Variants in UNC5C observed in about 807,000 individuals in gnomAD.
The protein encoded by UNC5C is unc-5 netrin receptor C.
UNC5C carries 47 observed loss-of-function variants against 99.8 expected under a neutral mutation model. The observed-to-expected ratio is 0.47, with a 90% CI of 0.37 to 0.60. The LOEUF is 0.60. UNC5C is among the 20% of genes least tolerant of loss of function. UNC5C has a pLI of 0.00. For synonymous variants in UNC5C, 487 were observed against 452.2 expected (o/e 1.08, Z -0.98); for missense variants, 1,062 against 1,165.9 (o/e 0.91, Z 1.30).
chr4:95,474,510 G>T (rs759989413), intron 1 of UNC5C, among the ~76,000 whole-genome samples: 6 of 151,892 alleles, frequency 4.0e-5, no homozygotes, highest in African/African-American at 1.5e-4. Context: ...GGCTGGTCTC[G>T]AACTCCTGAC....
chr4:95,421,346 T>A (rs1005051304), intron 1 of UNC5C, among the ~76,000 whole-genome samples: 1 of 152,182 alleles, frequency 6.6e-6, no homozygotes, highest in Non-Finnish European at 1.5e-5. Flanking sequence ...AAGCCCACTG[T>A]TCTCTGGCCT....
intron 12 of UNC5C, among the ~76,000 whole-genome samples, chr4:95,192,194 TCCTCCTCTACTCACCTCTTTTGCTCGC>T (rs1737150934): frequency 2.4e-5 from 3 of 126,580 alleles, no homozygotes; most frequent in African/African-American, 9.2e-5. Context: ...CTTTCTCATA[TCCTCCTCTACTCACCTCTTTTGCTCGC>T]CCTCCTCTGC....
intron 13 of UNC5C, among the ~76,000 whole-genome samples, chr4:95,183,959 C>T (rs1736721372): frequency 6.6e-6 from 1 of 152,080 alleles, no homozygotes; most frequent in South Asian, 2.1e-4. Flanking sequence ...AAGCATTCGG[C>T]CAGGCTTAGC....
intron 3 of UNC5C, among the ~76,000 whole-genome samples, chr4:95,281,369 G>A (rs1462142052): frequency 1.3e-5 from 2 of 152,180 alleles, no homozygotes; most frequent in Non-Finnish European, 2.9e-5. Flanking sequence ...GGTAAGCTGA[G>A]GTGTGCTTAT....
chr4:95,175,439 G>A (rs1174197439), intron 14 of UNC5C, among the ~76,000 whole-genome samples: 2 of 151,376 alleles, frequency 1.3e-5, no homozygotes, highest in African/African-American at 2.4e-5. Context: ...GGCAGGCCTG[G>A]TGGTGACAAA....
intron 1 of UNC5C, among the ~76,000 whole-genome samples, chr4:95,534,307 C>A (rs1480784967): frequency 6.6e-6 from 1 of 152,120 alleles, no homozygotes; most frequent in Non-Finnish European, 1.5e-5. Flanking sequence ...TGCTAAAGAT[C>A]CACCATTGCA....
chr4:95,414,439 C>T (rs968124303), intron 1 of UNC5C, among the ~76,000 whole-genome samples: 1 of 152,188 alleles, frequency 6.6e-6, no homozygotes, highest in Non-Finnish European at 1.5e-5. Context: ...CCTGTGAAGC[C>T]TGTCAGCAGT....
chr4:95,209,816 T>G (rs1360981008), intron 10 of UNC5C, among the ~76,000 whole-genome samples: 1 of 152,218 alleles, frequency 6.6e-6, no homozygotes, highest in Non-Finnish European at 1.5e-5. Context: ...TATTATTGCT[T>G]AATTCTATTT....
At chr4:95,447,581 ACC>A (rs201742978) in intron 1 of UNC5C, among the ~76,000 whole-genome samples, 1,554 of 152,098 alleles carry the variant, frequency 0.01, 23 homozygotes, top group African/African-American at 0.036. Flanking sequence ...GCTTACTGCA[ACC>A]TCTTTCTCCC....
intron 1 of UNC5C, among the ~76,000 whole-genome samples, chr4:95,466,539 T>C (rs187960037): frequency 8.6e-4 from 131 of 152,260 alleles, no homozygotes; most frequent in Middle Eastern, 6.8e-3. Flanking sequence ...CAAATGTTGG[T>C]AGTAAAACTC....
chr4:95,183,310 C>T, intron 13 of UNC5C, among the ~76,000 whole-genome samples: 1 of 152,048 alleles, frequency 6.6e-6, no homozygotes, highest in East Asian at 1.9e-4. Flanking sequence ...AGGAGTCAGC[C>T]TCCAGAATCC....
chr4:95,458,310 A>AAG (rs1747502017), intron 1 of UNC5C, among the ~76,000 whole-genome samples: 3 of 152,054 alleles, frequency 2.0e-5, no homozygotes, highest in Non-Finnish European at 4.4e-5. Context: ...CAGGGTTTGG[A>AAG]AGAGGTCTGT....
At chr4:95,314,686 G>A (rs891874366) in intron 2 of UNC5C, among the ~76,000 whole-genome samples, 3 of 152,134 alleles carry the variant, frequency 2.0e-5, no homozygotes, top group Non-Finnish European at 2.9e-5. Context: ...CAACTAGAAT[G>A]TGAGCCCCCT....
At chr4:95,340,208 C>T (rs1340335385) in intron 1 of UNC5C, among the ~76,000 whole-genome samples, 8 of 151,976 alleles carry the variant, frequency 5.3e-5, no homozygotes, top group Admixed American at 5.3e-4. Context: ...AATATCAAGC[C>T]TTAATTTTCA....
chr4:95,481,606 A>G (rs537548522), intron 1 of UNC5C, among the ~76,000 whole-genome samples: 80 of 152,240 alleles, frequency 5.3e-4, no homozygotes, highest in Middle Eastern at 6.8e-3. Context: ...CTGACTTCAA[A>G]CTATCTACAA....
intron 1 of UNC5C, among the ~76,000 whole-genome samples, chr4:95,389,119 A>G (rs1745287648): frequency 6.6e-6 from 1 of 152,196 alleles, no homozygotes; most frequent in Non-Finnish European, 1.5e-5. Context: ...TAACCATACT[A>G]GAGCAATCAA....
intron 1 of UNC5C, among the ~76,000 whole-genome samples, chr4:95,406,041 T>G (rs1177172256): frequency 6.6e-6 from 1 of 152,136 alleles, no homozygotes; most frequent in Non-Finnish European, 1.5e-5. Flanking sequence ...CTCTGTTTGT[T>G]AAAAATGAAG....
At chr4:95,426,566 GC>G (rs1271611979) in intron 1 of UNC5C, among the ~76,000 whole-genome samples, 1 of 152,214 alleles carries the variant, frequency 6.6e-6, no homozygotes, top group Non-Finnish European at 1.5e-5. Flanking sequence ...GGCCTCTTGT[GC>G]CAAACAGTTA....
chr4:95,449,202 C>T (rs1170176827), intron 1 of UNC5C, among the ~76,000 whole-genome samples: 2 of 152,190 alleles, frequency 1.3e-5, no homozygotes, highest in Non-Finnish European at 2.9e-5. Flanking sequence ...CTTCTCAAAA[C>T]AGCAAACCAG....
Sources: allele counts gnomAD v4.1 joint callset (sites outside exome capture counted in the v4.1 genomes callset), GRCh38; gene constraint gnomAD v4.1.1; transcripts MANE v1.5; gene names NCBI Gene and HGNC (gene_info 2026-07-23, HGNC 2026-07-21).